TTC7B: variants seen among roughly 807,000 people sequenced by gnomAD.
The protein encoded by TTC7B is tetratricopeptide repeat domain 7B.
TTC7B carries 28 observed loss-of-function variants against 106.8 expected under a neutral mutation model. The ratio of observed to expected loss-of-function variants is 0.26; its 90% CI spans 0.19 to 0.36. The LOEUF is 0.36. Ranked by LOEUF, TTC7B falls within the 10% of genes least tolerant of loss-of-function variation. The pLI is 1.00. For missense variants in TTC7B, 862 were observed against 1,076.4 expected, an observed-to-expected ratio of 0.80 and a Z score of 2.79; for synonymous variants, 405 against 430.6, an observed-to-expected ratio of 0.94 and a Z score of 0.74.
intron 4 of TTC7B, among the ~76,000 whole-genome samples, chr14:90,736,302 G>A (rs1889524411): frequency 6.6e-6 from 1 of 151,966 alleles, no homozygotes; most frequent in African/African-American, 2.4e-5. Flanking sequence ...GGAGGAGGTC[G>A]GGTGCAGTGC....
At position 90,744,937 on chromosome 14, in the gene TTC7B, A is replaced by G. The variant is rs1889905569; in HGVS notation, c.446-15T>C. 1.2e-6 allele frequency: 2 copies of G among 1,612,062 alleles called. No individual in the cohort carries two copies. The highest frequency in any genetic ancestry group is 1.7e-6 in the Non-Finnish European group (2 of 1,179,606). On this transcript the variant is annotated splice_polypyrimidine_tract_variant and intron_variant, in intron 3 of 19. Coordinates refer to ENST00000328459, the MANE Select transcript of TTC7B (RefSeq NM_001010854.2). ...CAAACAAAGTCCTTAAAAAAATATC[A>G]GACACAAAAACTGAGTGAATTTTTT...
Position 90,600,609 on chromosome 14 carries a change from C to T in TTC7B, c.1967-6983G>A, listed in dbSNP as rs967081069. ...TAAACCTGACAGCACACGTCTTGTC[C>T]TGAAAGGGGGAAGCTCTTTCCAGGG... On this transcript the variant is annotated intron_variant, in intron 17 of 19. Transcript: ENST00000328459. The surrounding 1 kb of genome is among the most constrained non-coding windows in gnomAD (Gnocchi z 4.3). Among the ~76,000 whole-genome samples, 4 of 152,146 alleles carry T rather than the reference C, an allele frequency of 2.6e-5. No individual in the cohort carries two copies. The highest frequency in any genetic ancestry group is 9.7e-5 in the African/African-American group (4 of 41,432).
At chr14:90,585,273 G>A (rs1173162581) in intron 18 of TTC7B, among the ~76,000 whole-genome samples, 1 of 152,192 alleles carries the variant, frequency 6.6e-6, no homozygotes, top group Admixed American at 6.5e-5. Context: ...GGGCTCCGTG[G>A]CACAGCAGGA....
intron 15 of TTC7B, among the ~76,000 whole-genome samples, chr14:90,630,705 C>T (rs1384593826): frequency 2.0e-5 from 3 of 152,234 alleles, no homozygotes; most frequent in Non-Finnish European, 4.4e-5. Flanking sequence ...AGTTTGACTA[C>T]TCCACGTACC....
At chr14:90,707,190 C>T (rs2139962050) in intron 5 of TTC7B, among the ~76,000 whole-genome samples, 1 of 152,304 alleles carries the variant, frequency 6.6e-6, no homozygotes, top group South Asian at 2.1e-4. Context: ...CAATTATTTT[C>T]ATCATCTGTT....
intron 3 of TTC7B, among the ~76,000 whole-genome samples, chr14:90,770,469 C>T (rs1392939794): frequency 1.3e-5 from 2 of 152,058 alleles, no homozygotes; most frequent in African/African-American, 4.8e-5. Flanking sequence ...CCAGCCTGAC[C>T]AACATGGAGA....
In TTC7B at chr14:90,564,632, G is replaced by A. The variant is rs933555026; in HGVS notation, c.2310+13474C>T. On this transcript the variant is annotated intron_variant, in intron 19 of 19. Transcript: ENST00000328459. Reference sequence around the variant, plus strand: ...CTACATTAAAAAACTGCTGGGCTGGGCACAGTGGTTCAGGCCTGTAATTTC... The same window carrying A: ...CTACATTAAAAAACTGCTGGGCTGGACACAGTGGTTCAGGCCTGTAATTTC... Among the ~76,000 whole-genome samples the A allele has an allele frequency of 3.9e-5, 6 of 152,194 alleles. 1 individual carries two copies. The highest frequency in any genetic ancestry group is 2.6e-4 in the Admixed American group (4 of 15,288).
chr14:90,700,129 T>TA (rs1669543936), intron 5 of TTC7B, among the ~76,000 whole-genome samples: 1 of 152,126 alleles, frequency 6.6e-6, no homozygotes, highest in African/African-American at 2.4e-5. Flanking sequence ...TAGAACAGCC[T>TA]AGTATGCCCT....
At chr14:90,602,272 A>G (rs750275677) in intron 17 of TTC7B, 1 of 454,888 alleles carries the variant, frequency 2.2e-6, no homozygotes, top group Non-Finnish European at 4.4e-6. Context: ...AGAACATTTA[A>G]TGTGGTTAAT....
chr14:90,761,942 T>G (rs368407637), intron 3 of TTC7B, among the ~76,000 whole-genome samples: 5 of 152,330 alleles, frequency 3.3e-5, no homozygotes, highest in African/African-American at 1.2e-4. Context: ...GTTAGGATAA[T>G]GAAAACATTC....
intron 1 of TTC7B, among the ~76,000 whole-genome samples, chr14:90,804,891 A>AG (rs1292794843): frequency 6.6e-6 from 1 of 152,176 alleles, no homozygotes; most frequent in Non-Finnish European, 1.5e-5. Context: ...AGGACCACAG[A>AG]GGGGCGGTGG....
intron 4 of TTC7B, among the ~76,000 whole-genome samples, chr14:90,735,904 G>C (rs575919527): frequency 8.4e-4 from 127 of 151,732 alleles, no homozygotes; most frequent in Non-Finnish European, 1.5e-3. Flanking sequence ...ATTAGAATGA[G>C]ATAAGAACAA....
chr14:90,745,072 T>C (rs2140002419), intron 3 of TTC7B, 150 bp from the exon 4 acceptor site: 2 of 777,148 alleles, frequency 2.6e-6, no homozygotes, highest in Non-Finnish European at 4.1e-6. Context: ...ATCTGGATGC[T>C]TTTTATTTCT....
intron 18 of TTC7B, among the ~76,000 whole-genome samples, chr14:90,590,080 T>A (rs187477585): frequency 6.6e-6 from 1 of 152,238 alleles, no homozygotes; most frequent in Non-Finnish European, 1.5e-5. Flanking sequence ...TGGTTGCCTG[T>A]GGTGGGGGTG....
At chr14:90,774,967 C>T (rs773668704) in intron 3 of TTC7B, among the ~76,000 whole-genome samples, 5 of 151,636 alleles carry the variant, frequency 3.3e-5, no homozygotes, top group Admixed American at 6.6e-5. Context: ...CACTTGAACG[C>T]GGGAGGCAGA....
intron 15 of TTC7B, among the ~76,000 whole-genome samples, chr14:90,621,913 C>T (rs1884217106): frequency 6.6e-6 from 1 of 152,174 alleles, no homozygotes; most frequent in Non-Finnish European, 1.5e-5. Context: ...AAACAATGAT[C>T]AGCATTCATT....
At chr14:90,751,357 A>G (rs1890128970) in intron 3 of TTC7B, among the ~76,000 whole-genome samples, 1 of 151,940 alleles carries the variant, frequency 6.6e-6, no homozygotes, top group South Asian at 2.1e-4. Context: ...CCACAGATAA[A>G]CTCACTTCTG....
chr14:90,680,016 G>A (rs74745564), intron 8 of TTC7B, among the ~76,000 whole-genome samples: 6,084 of 152,314 alleles, frequency 0.04, 173 homozygotes, highest in Non-Finnish European at 0.06. Flanking sequence ...AGCTCCTGCT[G>A]TGAAGACCAG....
At chr14:90,726,610 C>A (rs1889113126) in intron 5 of TTC7B, among the ~76,000 whole-genome samples, 1 of 152,198 alleles carries the variant, frequency 6.6e-6, no homozygotes, top group Non-Finnish European at 1.5e-5. Flanking sequence ...TTGCTCCTCA[C>A]TACTGCTCTC....
Sources: gnomAD v4.1 joint callset for allele counts (sites outside exome capture counted in the v4.1 genomes callset) on GRCh38, gnomAD v4.1.1 for gene constraint, Gnocchi (gnomAD v3.1) non-coding constraint, MANE v1.5 for transcripts, NCBI Gene and HGNC (gene_info 2026-07-23, HGNC 2026-07-21) for gene names.